The following ANK2 variants were observed in gnomAD, a reference collection of about 807,000 sequenced individuals.
ANK2 encodes ankyrin-2.
Under a neutral mutation model 360.5 loss-of-function variants are expected in ANK2, and 83 were observed. That is an observed-to-expected ratio of 0.23 (90% confidence interval 0.19 to 0.28). The LOEUF (loss-of-function observed/expected upper bound fraction) is 0.28, where lower values mean the gene tolerates loss of function less well. Ranked by LOEUF, ANK2 falls within the 10% of genes least tolerant of loss-of-function variation. The pLI, the probability that ANK2 is intolerant of heterozygous loss-of-function variation, is 1.00. For synonymous variants in ANK2, 1,740 were observed against 1,759.5 expected, an observed-to-expected ratio of 0.99 and a Z score of 0.28; for missense variants, 4,201 against 4,795.7, an observed-to-expected ratio of 0.88 and a Z score of 3.66.
chr4:113,370,922 C>G (rs2096715507), intron 43 of ANK2, among the ~76,000 whole-genome samples: 1 of 152,106 alleles, frequency 6.6e-6, no homozygotes, highest in Non-Finnish European at 1.5e-5. Context: ...TTTTAAATAA[C>G]TCCCCAGAGG....
chr4:113,223,645 C>T (rs1178497762), intron 4 of ANK2, among the ~76,000 whole-genome samples: 1 of 151,988 alleles, frequency 6.6e-6, no homozygotes, highest in African/African-American at 2.4e-5. Context: ...AGAAAGGAAG[C>T]ATACAAGTTG....
the ANK2 span, among the ~76,000 whole-genome samples, chr4:112,762,658 C>T: frequency 6.6e-6 from 1 of 151,988 alleles, no homozygotes; most frequent in Non-Finnish European, 1.5e-5. Flanking sequence ...TACAGGCCTG[C>T]GCCACCATGC....
chr4:113,236,553 C>A (rs1423530662), intron 5 of ANK2, among the ~76,000 whole-genome samples: 1 of 152,144 alleles, frequency 6.6e-6, no homozygotes, highest in Non-Finnish European at 1.5e-5. Context: ...TATTTAATAA[C>A]CTGCATAGTC....
At chr4:112,957,844 G>T (rs1167996706) in intron 2 of ANK2, among the ~76,000 whole-genome samples, 1 of 149,620 alleles carries the variant, frequency 6.7e-6, no homozygotes, top group African/African-American at 2.5e-5. Flanking sequence ...CAGACGGGGC[G>T]GTTGCCAGGC....
intron 35 of ANK2, 56 bp from the exon 36 acceptor site, chr4:113,348,220 T>G: frequency 6.4e-7 from 1 of 1,564,082 alleles, no homozygotes. Flanking sequence ...TTCTAAATAC[T>G]CTCTACTCTT....
intron 2 of ANK2, among the ~76,000 whole-genome samples, chr4:113,194,247 A>T (rs1179811498): frequency 6.6e-6 from 1 of 152,210 alleles, no homozygotes; most frequent in Admixed American, 6.5e-5. Flanking sequence ...GCAAACATTT[A>T]ACCTTCATGT....
chr4:113,375,376 T>A (rs939844985), intron 45 of ANK2, among the ~76,000 whole-genome samples: 5 of 152,242 alleles, frequency 3.3e-5, no homozygotes, highest in Non-Finnish European at 7.3e-5. Flanking sequence ...TCCATGTCCA[T>A]AAATTTTAAA....
intron 1 of ANK2, chr4:113,148,943 G>A (rs2096934877): frequency 6.6e-6 from 1 of 152,250 alleles, no homozygotes; most frequent in South Asian, 2.1e-4. Context: ...AAAAGGACTT[G>A]AGATTTCATT....
the ANK2 span, among the ~76,000 whole-genome samples, chr4:112,794,227 A>C: frequency 6.6e-6 from 1 of 152,184 alleles, no homozygotes; most frequent in East Asian, 1.9e-4. Context: ...TGCAGTTAAT[A>C]GTTTATTTGC....
chr4:112,995,155 A>G (rs554848754), intron 2 of ANK2, among the ~76,000 whole-genome samples: 22 of 152,234 alleles, frequency 1.4e-4, no homozygotes, highest in Non-Finnish European at 3.2e-4. Flanking sequence ...TCAAATGGTA[A>G]TTCTATTTTT....
At chr4:113,341,129 T>G (rs1359761406) in intron 32 of ANK2, among the ~76,000 whole-genome samples, 2 of 152,200 alleles carry the variant, frequency 1.3e-5, no homozygotes, top group East Asian at 3.9e-4. Context: ...CAGCAATACT[T>G]AGGAGTTCTG....
At chr4:113,237,492 T>G in intron 6 of ANK2, 107 bp from the exon 7 acceptor site, 1 of 1,108,128 alleles carries the variant, frequency 9.0e-7, no homozygotes. Context: ...AGAATGCATT[T>G]TGCCATGTTG....
intron 1 of ANK2, among the ~76,000 whole-genome samples, chr4:113,111,928 T>C (rs536262483): frequency 2.0e-5 from 3 of 152,308 alleles, no homozygotes; most frequent in Non-Finnish European, 4.4e-5. Flanking sequence ...GGCTGGATTT[T>C]CATATCCATG....
At chr4:113,332,265 T>G (rs559230836) in intron 28 of ANK2, among the ~76,000 whole-genome samples, 195 bp downstream of exon 28, 1 of 152,356 alleles carries the variant, frequency 6.6e-6, no homozygotes, top group East Asian at 1.9e-4. Flanking sequence ...GATGTTTTTA[T>G]ATCTTTCCCC....
At chr4:113,253,033 A>G (rs1180995781) in intron 10 of ANK2, among the ~76,000 whole-genome samples, 2 of 152,222 alleles carry the variant, frequency 1.3e-5, no homozygotes, top group East Asian at 3.8e-4. Context: ...ACACTGAGAG[A>G]ATTCAAGCAA....
intron 1 of ANK2, among the ~76,000 whole-genome samples, chr4:112,846,125 C>G (rs1304107972): frequency 6.6e-6 from 1 of 151,076 alleles, no homozygotes. Flanking sequence ...TTCTTTCTTT[C>G]TTTTTTTTGA....
chr4:112,743,328 T>G, the ANK2 span, among the ~76,000 whole-genome samples: 1 of 152,108 alleles, frequency 6.6e-6, no homozygotes, highest in African/African-American at 2.4e-5. Flanking sequence ...ACAATATTGG[T>G]TTTTCACATT....
chr4:113,162,104 C>G (rs886836979), intron 1 of ANK2, among the ~76,000 whole-genome samples: 1 of 152,186 alleles, frequency 6.6e-6, no homozygotes, highest in African/African-American at 2.4e-5. Context: ...AATTATTGAT[C>G]TTTATTGAAA....
intron 4 of ANK2, among the ~76,000 whole-genome samples, chr4:113,205,776 A>G (rs2098938620): frequency 3.9e-5 from 6 of 152,192 alleles, no homozygotes; most frequent in Admixed American, 3.3e-4. Context: ...ATTGTCACAG[A>G]CAATGGAATT....
Sources: gnomAD v4.1 joint callset for allele counts (sites outside exome capture counted in the v4.1 genomes callset) on GRCh38, gnomAD v4.1.1 for gene constraint, MANE v1.5 for transcripts, NCBI Gene and HGNC (gene_info 2026-07-23, HGNC 2026-07-21) for gene names.